CLNK: variants seen among roughly 807,000 people sequenced by gnomAD.
The protein encoded by CLNK is cytokine-dependent hematopoietic cell linker.
In CLNK, 74 loss-of-function variants were observed where a neutral mutation model predicts 68.6. That is an observed-to-expected ratio of 1.08 (90% CI 0.89 to 1.31). CLNK has a LOEUF of 1.31. Ranked by LOEUF, CLNK falls within the 50% of genes most tolerant of loss-of-function variation. CLNK has a pLI of 0.00. For missense variants in CLNK, 553 were observed against 515.3 expected (o/e 1.07, Z -0.71); for synonymous variants, 198 against 172.2 (o/e 1.15, Z -1.17).
intron 2 of CLNK, among the ~76,000 whole-genome samples, chr4:10,603,376 T>C (rs956283219): frequency 6.6e-6 from 1 of 152,214 alleles, no homozygotes. Context: ...CTGGTCATTG[T>C]TTGTATTTCA....
chr4:10,699,466 G>GTCTCTGTCTCTCTCTC, the CLNK span, among the ~76,000 whole-genome samples: 4 of 60,582 alleles, frequency 6.6e-5, no homozygotes, highest in Non-Finnish European at 1.1e-4. Flanking sequence ...CATCCTCTCT[G>GTCTCTGTCTCTCTCTC]TCTCTCTCTC....
chr4:10,684,944 A>G (rs1054576500), upstream of CLNK: 2 of 152,114 alleles, frequency 1.3e-5, no homozygotes, highest in African/African-American at 4.8e-5. Flanking sequence ...AAGCTTTCAG[A>G]GGCTGAAATC....
chr4:10,522,682 A>G (rs1247277170), intron 14 of CLNK, among the ~76,000 whole-genome samples: 7 of 152,244 alleles, frequency 4.6e-5, no homozygotes, highest in Admixed American at 4.6e-4. Context: ...AATAGACAAT[A>G]AAGAAGACAT....
intron 16 of CLNK, among the ~76,000 whole-genome samples, chr4:10,511,693 T>G (rs985346131): frequency 6.6e-6 from 1 of 152,232 alleles, no homozygotes; most frequent in Non-Finnish European, 1.5e-5. Flanking sequence ...CGTTAGAATT[T>G]TATTCCTTTT....
At chr4:10,640,784 C>T (rs537943183) in intron 2 of CLNK, among the ~76,000 whole-genome samples, 49 of 152,238 alleles carry the variant, frequency 3.2e-4, no homozygotes, top group Non-Finnish European at 6.0e-4. Flanking sequence ...CTTCCTTGCC[C>T]AGGAACTGTC....
intron 15 of CLNK, among the ~76,000 whole-genome samples, chr4:10,518,375 A>G (rs1367028689): frequency 6.6e-6 from 1 of 152,198 alleles, no homozygotes; most frequent in Non-Finnish European, 1.5e-5. Context: ...AAAATAAAGC[A>G]TTTTATTTTA....
intron 2 of CLNK, among the ~76,000 whole-genome samples, chr4:10,623,126 A>T (rs867293612): frequency 8.5e-5 from 13 of 152,210 alleles, no homozygotes; most frequent in African/African-American, 2.2e-4. Context: ...AATATTAATT[A>T]AAAAATCTGC....
chr4:10,731,896 T>G, the CLNK span, among the ~76,000 whole-genome samples: 7 of 152,244 alleles, frequency 4.6e-5, no homozygotes, highest in Non-Finnish European at 8.8e-5. Context: ...AGCAGTGGTT[T>G]GTTCCTAAAG....
At chr4:10,730,546 C>G in the CLNK span, among the ~76,000 whole-genome samples, 1 of 152,126 alleles carries the variant, frequency 6.6e-6, no homozygotes, top group African/African-American at 2.4e-5. Flanking sequence ...TCCCCTACCT[C>G]AAAAGGGAGT....
At chr4:10,577,409 A>G (rs1720607144) in intron 4 of CLNK, among the ~76,000 whole-genome samples, 1 of 152,100 alleles carries the variant, frequency 6.6e-6, no homozygotes, top group South Asian at 2.1e-4. Context: ...GTGTCTCCCC[A>G]TACCTATTTT....
At chr4:10,629,592 T>A (rs1722806827) in intron 2 of CLNK, among the ~76,000 whole-genome samples, 1 of 152,192 alleles carries the variant, frequency 6.6e-6, no homozygotes, top group Non-Finnish European at 1.5e-5. Flanking sequence ...CAGCACAAGG[T>A]TGAGTGTTTC....
chr4:10,638,908 A>T (rs147987185), intron 2 of CLNK, among the ~76,000 whole-genome samples: 177 of 152,282 alleles, frequency 1.2e-3, no homozygotes, highest in African/African-American at 4.1e-3. Context: ...TCTTCTTTTC[A>T]TAAGGACATC....
Position 10,598,047 on chromosome 4 carries a change from C to A in CLNK, c.14G>T (p.Gly5Val), listed in dbSNP as rs1486905271. Reference sequence around the variant, plus strand: ...TCCTTCTTTAGTTGTCTTTCTATTGCCCCTGGGATGAAAGAAAATAAATTA... The same window carrying A: ...TCCTTCTTTAGTTGTCTTTCTATTGACCCTGGGATGAAAGAAAATAAATTA... The part of the protein sequence containing the change: MNRQ[G>V]NRKTTKEGSN... The change falls in exon 3 of 19, where the codon GGC becomes GTC. Residue 5 changes from glycine (G) to valine (V), a missense_variant and splice_region_variant. By Grantham distance (109) the Gly-to-Val change is moderately radical. Transcript: ENST00000226951. 1 of 1,572,578 alleles carries A rather than the reference C, an allele frequency of 6.4e-7. No homozygotes were observed.
At chr4:10,632,564 T>G (rs182190772) in intron 2 of CLNK, among the ~76,000 whole-genome samples, 2 of 152,252 alleles carry the variant, frequency 1.3e-5, no homozygotes, top group Non-Finnish European at 2.9e-5. Context: ...GGTCATCTTT[T>G]TTTGTGCATC....
At chr4:10,722,654 A>G in the CLNK span, among the ~76,000 whole-genome samples, 1 of 152,246 alleles carries the variant, frequency 6.6e-6, no homozygotes, top group African/African-American at 2.4e-5. Flanking sequence ...GGAAGCAACA[A>G]AAGCAGATTT....
chr4:10,624,593 GT>G (rs10559473), intron 2 of CLNK, among the ~76,000 whole-genome samples: 37,667 of 122,208 alleles, frequency 0.31, 6,094 homozygotes, highest in Admixed American at 0.42. Context: ...CGCCCGGCCA[GT>G]TTTTTTTTTT....
chr4:10,596,673 TG>T (rs1312940889), intron 3 of CLNK, among the ~76,000 whole-genome samples: 9 of 145,262 alleles, frequency 6.2e-5, no homozygotes, highest in East Asian at 6.0e-4. Context: ...TGTATGTCTA[TG>T]TTTTTTTTTA....
At chr4:10,733,333 C>G in the CLNK span, among the ~76,000 whole-genome samples, 11 of 152,178 alleles carry the variant, frequency 7.2e-5, no homozygotes, top group Non-Finnish European at 1.3e-4. Flanking sequence ...CCACCTTCCC[C>G]CCTTCACTGC....
At chr4:10,629,907 T>C (rs1722818476) in intron 2 of CLNK, among the ~76,000 whole-genome samples, 2 of 152,190 alleles carry the variant, frequency 1.3e-5, no homozygotes, top group South Asian at 2.1e-4. Flanking sequence ...TTCAGAAATA[T>C]CCCATAAATC....
Sources: gnomAD v4.1 joint callset for allele counts (sites outside exome capture counted in the v4.1 genomes callset) on GRCh38, gnomAD v4.1.1 for gene constraint, MANE v1.5 for transcripts, NCBI Gene and HGNC (gene_info 2026-07-23, HGNC 2026-07-21) for gene names.